Variants in CSMD2 observed in about 807,000 individuals in gnomAD.
The protein encoded by CSMD2 is CUB and sushi domain-containing protein 2.
Under a neutral mutation model 398.5 loss-of-function variants are expected in CSMD2, and 130 were observed. That is an observed-to-expected ratio of 0.33 (90% CI 0.28 to 0.38). The LOEUF (loss-of-function observed/expected upper bound fraction) is 0.38. Ranked by LOEUF, CSMD2 falls within the 10% of genes least tolerant of loss-of-function variation. The probability of loss-of-function intolerance (pLI) is 1.00; values close to 1 mark genes in which losing one functional copy is unlikely to be tolerated. For missense variants in CSMD2, 3,829 were observed against 4,764.9 expected (o/e 0.80, Z 5.78); for synonymous variants, 1,828 against 1,908.5 (o/e 0.96, Z 1.10).
At chr1:33,567,485 A>C in intron 53 of CSMD2, 108 bp downstream of exon 53, 2 of 659,316 alleles carry the variant, frequency 3.0e-6, no homozygotes, top group South Asian at 3.0e-5. Context: ...AATCATATAT[A>C]TATATATATA....
chr1:33,533,354 G>A lies in CSMD2; in HGVS notation c.9992-125C>T. 1.1e-6 allele frequency: 1 copy of A among 870,384 alleles called. No homozygotes were observed. The highest frequency in any genetic ancestry group is 1.6e-5 in the South Asian group (1 of 63,760). The allele number at this position is 870,384 out of a possible 1,614,324, so 53.9% of individuals were successfully genotyped here. On this transcript the variant is annotated intron_variant, in intron 63 of 70. Transcript: ENST00000373381. The surrounding 1 kb of genome is among the most constrained non-coding windows in gnomAD (Gnocchi z 4.2). ...TCCCTTCCAGTCCCTTTCATGCCAA[G>A]CATCCCCCTCCCTAATCCTCCACCC...
intron 37 of CSMD2, among the ~76,000 whole-genome samples, chr1:33,619,154 C>T (rs1641592771): frequency 6.6e-6 from 1 of 152,234 alleles, no homozygotes; most frequent in South Asian, 2.1e-4. Flanking sequence ...GGCCAGAAGA[C>T]TCATGAGGAG....
chr1:33,828,286 G>A (rs960536005), intron 6 of CSMD2, among the ~76,000 whole-genome samples: 3 of 152,242 alleles, frequency 2.0e-5, no homozygotes, highest in African/African-American at 7.2e-5. Context: ...ATACAGTGCG[G>A]CAGGGGGATA....
chr1:33,564,377 C>G lies in CSMD2; in HGVS notation c.8380+3216G>C, dbSNP rs185328084. ...TCACTGCCTTTGAATATGGTCCAGT[C>G]TAACGTTCAATGTCTTTAGGCCAGG... On this transcript the variant is annotated intron_variant, in intron 53 of 70. Coordinates refer to ENST00000373381, the MANE Select transcript of CSMD2 (RefSeq NM_001281956.2). Among the ~76,000 whole-genome samples the G allele has an allele frequency of 2.0e-4, 31 of 152,340 alleles. 2 individuals are homozygous for G. The highest frequency in any genetic ancestry group is 3.3e-4 in the Admixed American group (5 of 15,304).
intron 6 of CSMD2, among the ~76,000 whole-genome samples, chr1:33,842,009 C>T (rs1660899158): frequency 6.6e-6 from 1 of 152,202 alleles, no homozygotes; most frequent in Admixed American, 6.5e-5. Context: ...GAATAGTTAA[C>T]TGCTCACTAG....
At chr1:34,144,267 T>G (rs368593019) in intron 1 of CSMD2, among the ~76,000 whole-genome samples, 7 of 152,272 alleles carry the variant, frequency 4.6e-5, no homozygotes, top group South Asian at 2.1e-4. Flanking sequence ...CACCATGCAG[T>G]GTTAGGAGAG....
At chr1:34,149,366 G>A (rs1028949718) in intron 1 of CSMD2, among the ~76,000 whole-genome samples, 10 of 152,142 alleles carry the variant, frequency 6.6e-5, no homozygotes, top group Admixed American at 1.3e-4. Context: ...CTCCCGGCTG[G>A]CTGGCCTCAC....
intron 29 of CSMD2, among the ~76,000 whole-genome samples, chr1:33,639,837 A>G (rs1433868599): frequency 1.3e-5 from 2 of 152,236 alleles, no homozygotes; most frequent in Non-Finnish European, 2.9e-5. Flanking sequence ...CCCCTTACAT[A>G]GGAATATCAC....
chr1:33,695,659 C>A (rs1228380790), intron 24 of CSMD2, among the ~76,000 whole-genome samples: 1 of 152,244 alleles, frequency 6.6e-6, no homozygotes, highest in Admixed American at 6.5e-5. Context: ...GTTGCCCACG[C>A]TCTAGGCAGT....
At chr1:33,812,441 G>T (rs921159842) in intron 9 of CSMD2, among the ~76,000 whole-genome samples, 1 of 152,246 alleles carries the variant, frequency 6.6e-6, no homozygotes, top group Non-Finnish European at 1.5e-5. Flanking sequence ...GTTTGAACAA[G>T]TCCTGGGGGA....
chr1:33,710,145 G>A (rs1308915729), intron 21 of CSMD2, among the ~76,000 whole-genome samples: 1 of 152,136 alleles, frequency 6.6e-6, no homozygotes, highest in African/African-American at 2.4e-5. Context: ...TCGTGTTACT[G>A]TCTCCTTAAC....
chr1:33,724,383 G>A, intron 18 of CSMD2, 70 bp from the exon 19 acceptor site: 1 of 1,497,858 alleles, frequency 6.7e-7, no homozygotes, highest in South Asian at 1.2e-5. Context: ...ATCCTCCTGG[G>A]ACCCCATCCC....
At chr1:33,589,461 C>A (rs1031657693) in intron 44 of CSMD2, among the ~76,000 whole-genome samples, 1 of 152,218 alleles carries the variant, frequency 6.6e-6, no homozygotes, top group African/African-American at 2.4e-5. Flanking sequence ...TCTTTGTTAA[C>A]TTGCTAAACA....
In CSMD2 at chr1:34,130,389, C is replaced by CAAA. The variant is rs60733725; in HGVS notation, c.187+34519_187+34521dup. Among the ~76,000 whole-genome samples, 180 of 58,442 alleles carry CAAA rather than the reference C, an allele frequency of 3.1e-3. 20 individuals are homozygous for CAAA. In the East Asian group the frequency reaches 0.041, roughly 13 times the overall value. The allele number at this position is 58,442 out of a possible 152,430, so 38.3% of individuals were successfully genotyped here. A position where few individuals can be genotyped will look rare whatever the true frequency, so the allele number is the denominator to read the frequency against. ...AACAGCAGGAAGAAATGTCTGGAGG[C>CAAA]AAAAAAAAAAAAAAAAAAAAAGTTT... is the stretch of plus-strand genomic sequence containing the variant. On this transcript the variant is annotated intron_variant, in intron 1 of 70. Coordinates refer to ENST00000373381, the MANE Select transcript of CSMD2 (RefSeq NM_001281956.2).
At chr1:33,968,074 T>C (rs932937032) in intron 3 of CSMD2, among the ~76,000 whole-genome samples, 11 of 152,144 alleles carry the variant, frequency 7.2e-5, no homozygotes, top group African/African-American at 2.7e-4. Context: ...AGCCTAGTGG[T>C]CTCCTCTTTA....
intron 1 of CSMD2, among the ~76,000 whole-genome samples, chr1:34,109,029 C>T (rs552808559): frequency 6.6e-6 from 1 of 152,288 alleles, no homozygotes; most frequent in South Asian, 2.1e-4. Context: ...GATGCATCCT[C>T]TTGTTTCTCC....
chr1:33,698,841 G>A lies in CSMD2; in HGVS notation c.3837C>T (p.Asp1279=), dbSNP rs1180558454. The A allele has an allele frequency of 1.2e-6, 2 of 1,614,228 alleles. No individual in the cohort carries two copies. Among genetic ancestry groups the A allele is most frequent in the South Asian group, 2.2e-5 (2 of 91,090 alleles). Residue 1279 remains aspartate, a synonymous_variant, in exon 24 of 71, where the codon GAC becomes GAT. Coordinates refer to ENST00000373381, the MANE Select transcript of CSMD2 (RefSeq NM_001281956.2). ...FAGSSVSFSC[D]PGYSLRGSEE... ...CACTACCCCGCAGGCTGTATCCAGG[G>A]TCACAGCTGAAGGACACGGAGCTCC... is the stretch of plus-strand genomic sequence containing the variant.
upstream of CSMD2, chr1:34,165,718 G>T (rs1641828185): frequency 1.9e-6 from 3 of 1,610,248 alleles, no homozygotes; most frequent in East Asian, 4.5e-5. Context: ...AACCAAAGAA[G>T]GACGCGTTCC....
rs146256089 is a variant in CSMD2 at position 33,641,882 on chromosome 1, C to T, written c.4774+4766G>A. Reference sequence around the variant, plus strand: ...TGTAAGAAGGTCTGGCATATGGTAGCTGCTCAATTCGTATTTACCGAATGA... The same window carrying T: ...TGTAAGAAGGTCTGGCATATGGTAGTTGCTCAATTCGTATTTACCGAATGA... On this transcript the variant is annotated intron_variant, in intron 29 of 70. Transcript: ENST00000373381. Among the ~76,000 whole-genome samples, 111 of 152,302 alleles carry T rather than the reference C, an allele frequency of 7.3e-4. 2 individuals carry two copies. The highest frequency in any genetic ancestry group is 2.6e-3 in the African/African-American group (108 of 41,566).
Sources: allele counts gnomAD v4.1 joint callset (sites outside exome capture counted in the v4.1 genomes callset), GRCh38; gene constraint gnomAD v4.1.1; non-coding constraint Gnocchi (gnomAD v3.1); transcripts MANE v1.5; gene names NCBI Gene and HGNC (gene_info 2026-07-23, HGNC 2026-07-21).